TASP1: variants seen among roughly 807,000 people sequenced by gnomAD.
TASP1 encodes threonine aspartase 1.
A neutral mutation model predicts 56.6 loss-of-function variants in TASP1; 16 were observed. The ratio of observed to expected loss-of-function variants is 0.28; its 90% CI spans 0.19 to 0.43. TASP1 has a LOEUF of 0.43. Ranked by LOEUF, TASP1 falls within the 20% of genes least tolerant of loss-of-function variation. The probability of loss-of-function intolerance (pLI) is 1.00; values close to 1 mark genes in which losing one functional copy is unlikely to be tolerated. For missense variants in TASP1, 393 were observed against 511.6 expected (o/e 0.77, Z 2.24); for synonymous variants, 179 against 184.2 (o/e 0.97, Z 0.23).
the TASP1 span, chr20:13,167,738 C>G: frequency 7.2e-5 from 11 of 152,306 alleles, no homozygotes; most frequent in African/African-American, 1.9e-4. Flanking sequence ...TTGGAATTTA[C>G]TAGGAAGCTG....
At chr20:13,307,725 A>G in the TASP1 span, among the ~76,000 whole-genome samples, 3 of 152,234 alleles carry the variant, frequency 2.0e-5, no homozygotes, top group Admixed American at 6.5e-5. Context: ...TTTGCTCAAT[A>G]TTGGATTGTG....
the TASP1 span, among the ~76,000 whole-genome samples, chr20:13,114,046 T>C: frequency 6.6e-6 from 1 of 152,154 alleles, no homozygotes; most frequent in Non-Finnish European, 1.5e-5. Context: ...AGAGCGGGGA[T>C]TAAAACCAGG....
chr20:13,381,260 A>G, the TASP1 span, among the ~76,000 whole-genome samples: 5 of 152,348 alleles, frequency 3.3e-5, no homozygotes, highest in East Asian at 9.7e-4. Flanking sequence ...TGGGAAAAGC[A>G]TAGTATCTGA....
At chr20:13,502,230 A>G (rs2043972860) in intron 10 of TASP1, among the ~76,000 whole-genome samples, 1 of 152,106 alleles carries the variant, frequency 6.6e-6, no homozygotes, top group Non-Finnish European at 1.5e-5. Context: ...AGATGTGAAC[A>G]TCTTTTCTGC....
At chr20:13,596,116 T>TA (rs2047720173) in intron 4 of TASP1, among the ~76,000 whole-genome samples, 1 of 152,154 alleles carries the variant, frequency 6.6e-6, no homozygotes, top group African/African-American at 2.4e-5. Flanking sequence ...CTCACGCCTG[T>TA]AATCCCAGCA....
chr20:13,143,817 T>A, the TASP1 span, among the ~76,000 whole-genome samples: 4 of 152,234 alleles, frequency 2.6e-5, no homozygotes, highest in Non-Finnish European at 5.9e-5. Flanking sequence ...CAGCCTAGTA[T>A]CTGTCTTTTG....
At chr20:13,512,399 G>A (rs1023994944) in intron 10 of TASP1, among the ~76,000 whole-genome samples, 1 of 152,150 alleles carries the variant, frequency 6.6e-6, no homozygotes, top group Non-Finnish European at 1.5e-5. Flanking sequence ...CTGCATAAAT[G>A]TCTTCTTTTG....
the TASP1 span, among the ~76,000 whole-genome samples, chr20:13,105,742 T>G: frequency 2.6e-5 from 4 of 152,350 alleles, no homozygotes; most frequent in African/African-American, 9.6e-5. Flanking sequence ...GCACAAAAAC[T>G]TATAAATTCC....
intron 13 of TASP1, among the ~76,000 whole-genome samples, chr20:13,416,099 A>T (rs2042244998): frequency 6.6e-6 from 1 of 152,144 alleles, no homozygotes; most frequent in Admixed American, 6.5e-5. Context: ...AATTAAGTAA[A>T]ATTTAAAATT....
chr20:13,141,788 G>A, the TASP1 span, among the ~76,000 whole-genome samples: 35 of 152,328 alleles, frequency 2.3e-4, no homozygotes, highest in East Asian at 6.6e-3. Flanking sequence ...AGATGTTGGT[G>A]CTATGCTCCA....
At chr20:13,460,648 T>G (rs2044020918) in intron 11 of TASP1, among the ~76,000 whole-genome samples, 1 of 152,132 alleles carries the variant, frequency 6.6e-6, no homozygotes, top group African/African-American at 2.4e-5. Flanking sequence ...GAAACCTCAT[T>G]TCTCTTCTTT....
At chr20:13,549,112 G>C (rs2045898167) in intron 8 of TASP1, among the ~76,000 whole-genome samples, 1 of 152,104 alleles carries the variant, frequency 6.6e-6, no homozygotes, top group Admixed American at 6.6e-5. Flanking sequence ...GGAAACTAAA[G>C]TCTAGAGAGG....
the TASP1 span, among the ~76,000 whole-genome samples, chr20:13,323,907 A>T: frequency 6.6e-6 from 1 of 152,200 alleles, no homozygotes; most frequent in South Asian, 2.1e-4. Flanking sequence ...AATTGTTAAT[A>T]GCCTGAATGA....
At chr20:13,334,207 AG>A in the TASP1 span, among the ~76,000 whole-genome samples, 1 of 152,210 alleles carries the variant, frequency 6.6e-6, no homozygotes, top group Non-Finnish European at 1.5e-5. Context: ...GAAATAGAGC[AG>A]GGTGTTTCAC....
intron 1 of TASP1, among the ~76,000 whole-genome samples, chr20:13,637,558 A>G (rs2049355049): frequency 6.6e-6 from 1 of 152,266 alleles, no homozygotes; most frequent in African/African-American, 2.4e-5. Flanking sequence ...ACCCATCCAT[A>G]AAACAGAATG....
Position 13,500,263 on chromosome 20 carries a change from G to GTATA in TASP1, c.875-16930_875-16927dup, listed in dbSNP as rs113343133. Among the ~76,000 whole-genome samples, 839 of 140,552 alleles carry GTATA rather than the reference G, an allele frequency of 6.0e-3. 4 individuals carry two copies. Among genetic ancestry groups the GTATA allele is most frequent in the East Asian group, 0.012 (59 of 4,840 alleles). 92.2% of individuals were successfully genotyped at this position (140,552 alleles called of 152,430 possible). A position where few individuals can be genotyped will look rare whatever the true frequency, so the allele number is the denominator to read the frequency against. On this transcript the variant is annotated intron_variant, in intron 10 of 13. Transcript: ENST00000337743. ...TGTGTGTGTGTGTCTGTGTATGTGT[G>GTATA]TATATATATATATACACTCAATTTG...
the TASP1 span, among the ~76,000 whole-genome samples, chr20:13,291,568 C>G: frequency 2.0e-5 from 3 of 152,312 alleles, no homozygotes; most frequent in South Asian, 6.2e-4. Context: ...CCTCTTATTG[C>G]TTTAGCTTGC....
intron 8 of TASP1, among the ~76,000 whole-genome samples, chr20:13,537,173 C>T (rs2045449558): frequency 6.6e-6 from 1 of 152,064 alleles, no homozygotes; most frequent in Non-Finnish European, 1.5e-5. Flanking sequence ...TTATACCTAA[C>T]CAAACTCCTG....
At chr20:13,195,396 C>T in the TASP1 span, among the ~76,000 whole-genome samples, 4 of 152,124 alleles carry the variant, frequency 2.6e-5, no homozygotes, top group Admixed American at 6.5e-5. Flanking sequence ...CCTCTCTGCC[C>T]GTGTGGAAGT....
Sources: allele counts gnomAD v4.1 joint callset (sites outside exome capture counted in the v4.1 genomes callset), GRCh38; gene constraint gnomAD v4.1.1; transcripts MANE v1.5; gene names NCBI Gene and HGNC (gene_info 2026-07-23, HGNC 2026-07-21).